Variants in ZBTB20 observed in about 807,000 individuals in gnomAD.
ZBTB20 encodes zinc finger and BTB domain-containing protein 20.
A neutral mutation model predicts 56.9 loss-of-function variants in ZBTB20; 9 were observed. The observed-to-expected ratio is 0.16, with a 90% CI of 0.10 to 0.28. The LOEUF (loss-of-function observed/expected upper bound fraction) is 0.28, where lower values mean the gene tolerates loss of function less well. Among genes scored for constraint, ZBTB20 ranks in the 10% least tolerant of loss-of-function variants. The pLI, the probability that ZBTB20 is intolerant of heterozygous loss-of-function variation, is 1.00. For synonymous variants in ZBTB20, 417 were observed against 420.7 expected (o/e 0.99, Z 0.11); for missense variants, 655 against 1,003.0 (o/e 0.65, Z 4.69).
intron 5 of ZBTB20, among the ~76,000 whole-genome samples, chr3:114,739,051 T>C (rs1020840137): frequency 1.3e-5 from 2 of 152,148 alleles, no homozygotes; most frequent in African/African-American, 2.4e-5. Context: ...ATTACAGGTG[T>C]GAGCCATCAT....
chr3:114,363,699 A>G (rs1397676545), intron 10 of ZBTB20, among the ~76,000 whole-genome samples: 1 of 152,230 alleles, frequency 6.6e-6, no homozygotes, highest in Admixed American at 6.5e-5. Flanking sequence ...CATTACTAGT[A>G]TTCTAATTGA....
chr3:114,638,932 G>A (rs2059416590), intron 6 of ZBTB20, among the ~76,000 whole-genome samples: 1 of 152,036 alleles, frequency 6.6e-6, no homozygotes, highest in Non-Finnish European at 1.5e-5. Flanking sequence ...ACAATACCAT[G>A]CAGTTCTACT....
chr3:114,502,622 A>AAT (rs1460686130), intron 6 of ZBTB20, among the ~76,000 whole-genome samples: 1 of 152,176 alleles, frequency 6.6e-6, no homozygotes, highest in Non-Finnish European at 1.5e-5. Context: ...ACAAATTTGA[A>AAT]ATATATATAT....
At chr3:114,426,447 A>G (rs1559774141) in intron 7 of ZBTB20, among the ~76,000 whole-genome samples, 1 of 151,030 alleles carries the variant, frequency 6.6e-6, no homozygotes, top group East Asian at 1.9e-4. Flanking sequence ...GTGGCTTTCT[A>G]CCCTACTTCA....
chr3:114,958,390 A>T (rs2077322104), intron 3 of ZBTB20, among the ~76,000 whole-genome samples: 2 of 152,222 alleles, frequency 1.3e-5, no homozygotes, highest in South Asian at 4.1e-4. Context: ...ACAGTTCAAC[A>T]TTTAAAAATT....
At chr3:114,662,230 G>A (rs556664789) in intron 6 of ZBTB20, among the ~76,000 whole-genome samples, 243 of 152,058 alleles carry the variant, frequency 1.6e-3, no homozygotes, top group Admixed American at 0.011. Context: ...CAAAGGATAC[G>A]AACTCATCAT....
At chr3:114,818,840 A>AT (rs2073090860) in intron 4 of ZBTB20, among the ~76,000 whole-genome samples, 1 of 152,004 alleles carries the variant, frequency 6.6e-6, no homozygotes, top group Non-Finnish European at 1.5e-5. Flanking sequence ...ATGAAATAGG[A>AT]TATTAAACAG....
At chr3:114,751,694 A>G (rs1391413700) in intron 5 of ZBTB20, among the ~76,000 whole-genome samples, 1 of 152,168 alleles carries the variant, frequency 6.6e-6, no homozygotes, top group Non-Finnish European at 1.5e-5. Context: ...AAACAAACCA[A>G]GTTAATCACA....
At chr3:115,087,020 T>G (rs1020029676) in intron 1 of ZBTB20, among the ~76,000 whole-genome samples, 2 of 151,832 alleles carry the variant, frequency 1.3e-5, no homozygotes, top group Non-Finnish European at 2.9e-5. Context: ...AGGGTGATAC[T>G]AGGGCCAAAT....
At chr3:114,438,428 AAAAAAACC>A (rs201306343) in intron 7 of ZBTB20, among the ~76,000 whole-genome samples, 25 of 136,686 alleles carry the variant, frequency 1.8e-4, no homozygotes, top group East Asian at 4.3e-4. Flanking sequence ...AAAAAAAACA[AAAAAAACC>A]AAAAAAAAAC....
intron 3 of ZBTB20, chr3:114,904,330 G>C (rs2075241838): frequency 6.6e-6 from 1 of 151,748 alleles, no homozygotes; most frequent in Non-Finnish European, 1.5e-5. Context: ...ATCTCACCTG[G>C]GCCTGTGGGT....
chr3:115,139,465 C>A (rs1053203178), intron 1 of ZBTB20, among the ~76,000 whole-genome samples: 4 of 151,946 alleles, frequency 2.6e-5, no homozygotes, highest in African/African-American at 9.7e-5. Flanking sequence ...CTAACAGATT[C>A]TTTCCTAGTC....
intron 7 of ZBTB20, among the ~76,000 whole-genome samples, chr3:114,499,527 G>A (rs925423972): frequency 3.9e-5 from 6 of 152,174 alleles, no homozygotes; most frequent in Non-Finnish European, 7.3e-5. Context: ...AGAGGATACC[G>A]ATAATTATTT....
At chr3:114,723,122 T>C (rs1047848751) in intron 5 of ZBTB20, among the ~76,000 whole-genome samples, 2 of 152,182 alleles carry the variant, frequency 1.3e-5, no homozygotes, top group African/African-American at 4.8e-5. Context: ...CAGATCAAGA[T>C]ACATTTGCAA....
intron 7 of ZBTB20, among the ~76,000 whole-genome samples, chr3:114,465,951 C>G (rs1271232812): frequency 6.6e-6 from 1 of 152,080 alleles, no homozygotes; most frequent in Non-Finnish European, 1.5e-5. Flanking sequence ...CCAGGATTTC[C>G]TTTGCGACAA....
At chr3:114,592,565 G>C (rs2055881385) in intron 6 of ZBTB20, among the ~76,000 whole-genome samples, 1 of 152,146 alleles carries the variant, frequency 6.6e-6, no homozygotes, top group Non-Finnish European at 1.5e-5. Flanking sequence ...CCACAAACTA[G>C]TAAGCTGAAC....
intron 6 of ZBTB20, among the ~76,000 whole-genome samples, chr3:114,555,150 G>T (rs1410928323): frequency 2.0e-5 from 3 of 152,076 alleles, no homozygotes; most frequent in African/African-American, 7.2e-5. Context: ...TATCAGATCT[G>T]CCACTGCAAG....
chr3:114,587,909 A>T (rs2055346290), intron 6 of ZBTB20, among the ~76,000 whole-genome samples: 1 of 152,210 alleles, frequency 6.6e-6, no homozygotes, highest in South Asian at 2.1e-4. Flanking sequence ...TCAAGATGTC[A>T]TTCCTTTCTC....
Position 114,532,972 on chromosome 3 carries a change from A to C in ZBTB20, c.-294-32581T>G, listed in dbSNP as rs114983654. On this transcript the variant is annotated intron_variant, in intron 6 of 11. Coordinates refer to ENST00000675478, the MANE Select transcript of ZBTB20 (RefSeq NM_001348800.3). ...TTAACAAAAAAGATGTCCACACAAA[A>C]ACCCCATCCGAAGATCACCAGCGTC... Among the ~76,000 whole-genome samples, 1,448 of 152,328 alleles carry C rather than the reference A, an allele frequency of 9.5e-3. 8 individuals carry two copies. Among genetic ancestry groups the C allele is most frequent in the Non-Finnish European group, 0.014 (950 of 68,026 alleles).
Sources: gnomAD v4.1 joint callset for allele counts (sites outside exome capture counted in the v4.1 genomes callset) on GRCh38, gnomAD v4.1.1 for gene constraint, MANE v1.5 for transcripts, NCBI Gene and HGNC (gene_info 2026-07-23, HGNC 2026-07-21) for gene names.